The following RNF216 variants were observed in gnomAD, a reference collection of about 807,000 sequenced individuals.
The protein encoded by RNF216 is E3 ubiquitin-protein ligase RNF216.
RNF216 carries 72 observed loss-of-function variants against 110.8 expected under a neutral mutation model. That is an observed-to-expected ratio of 0.65 (90% CI 0.54 to 0.79). The LOEUF (loss-of-function observed/expected upper bound fraction) is 0.79, where lower values mean the gene tolerates loss of function less well. Ranked by LOEUF, RNF216 falls within the 30% of genes least tolerant of loss-of-function variation. RNF216 has a pLI of 0.00. For missense variants in RNF216, 1,342 were observed against 1,141.2 expected (o/e 1.18, Z -2.54); for synonymous variants, 495 against 407.5 (o/e 1.21, Z -2.59).
Position 5,729,544 on chromosome 7 carries a change from C to A in RNF216, c.1277G>T (p.Arg426Leu). 1 of 1,613,980 alleles carries A rather than the reference C, an allele frequency of 6.2e-7. No homozygotes were observed. The highest frequency in any genetic ancestry group is 8.5e-7 in the Non-Finnish European group (1 of 1,179,944). The change falls in exon 7 of 17, where the codon CGC (arginine) becomes CTC (leucine). Residue 426 changes from arginine (R) to leucine (L), a missense_variant. Physicochemically the swap from Arg to Leu is moderately radical, Grantham distance 102. Coordinates refer to ENST00000389902, the MANE Select transcript of RNF216 (RefSeq NM_207111.4). ...GAGGTCAGCAGCTTGGATGAAGCAG[C>A]GCTGGTCAAGAGGGGTCAATTTAGA... ...DYSKLTPLDQ[R>L]CFIQAADLLM...
At chr7:5,649,594 T>A (rs1584376168) in intron 14 of RNF216, 1 of 152,080 alleles carries the variant, frequency 6.6e-6, no homozygotes, top group Non-Finnish European at 1.5e-5. Flanking sequence ...GAAAGGCAAG[T>A]TGAAGCCCGT....
chr7:5,658,382 C>T (rs763921283), intron 13 of RNF216, among the ~76,000 whole-genome samples: 2 of 152,120 alleles, frequency 1.3e-5, no homozygotes, highest in Non-Finnish European at 2.9e-5. Context: ...TTGGGCCGGG[C>T]ACAGTGGCTC....
rs372434713 is a variant in RNF216 at position 5,630,278 on chromosome 7, G to A, written c.2383-6153C>T. 1.1e-4 allele frequency among the ~76,000 whole-genome samples: 17 copies of A among 152,220 alleles called. 1 individual carries two copies. In the South Asian group the frequency reaches 1.7e-3, roughly 15 times the overall value. On this transcript the variant is annotated intron_variant, in intron 15 of 16. Transcript: ENST00000389902. Reference sequence around the variant, plus strand: ...GTCACGGGAAGAACTACAACTCTGGGGCTCCAGACCTGGCTTGAGTGCATA... The same window carrying A: ...GTCACGGGAAGAACTACAACTCTGGAGCTCCAGACCTGGCTTGAGTGCATA...
At chr7:5,691,843 A>ATGT in intron 13 of RNF216, among the ~76,000 whole-genome samples, 1 of 152,360 alleles carries the variant, frequency 6.6e-6, no homozygotes, top group Middle Eastern at 3.4e-3. Flanking sequence ...ACAGAAGGCA[A>ATGT]TGTCTGCTTG....
chr7:5,714,345 G>A (rs1249244485), intron 11 of RNF216, among the ~76,000 whole-genome samples: 1 of 152,064 alleles, frequency 6.6e-6, no homozygotes, highest in Non-Finnish European at 1.5e-5. Flanking sequence ...CACAACCTCT[G>A]CCTCCCAGAT....
rs549755263 is a variant in RNF216 at position 5,683,978 on chromosome 7, G to T, written c.2061+27783C>A. On this transcript the variant is annotated intron_variant, in intron 13 of 16. Transcript: ENST00000389902. Reference sequence around the variant, plus strand: ...ACTGCTAAGTTAAGGGCAAGATCCAGTAGGGGTCTTGTGGCGGGATGTGTG... The same window carrying T: ...ACTGCTAAGTTAAGGGCAAGATCCATTAGGGGTCTTGTGGCGGGATGTGTG... Among the ~76,000 whole-genome samples the T allele has an allele frequency of 5.8e-4, 89 of 152,144 alleles. 1 individual carries two copies. Among genetic ancestry groups the T allele is most frequent in the African/African-American group, 1.9e-3 (80 of 41,526 alleles).
At chr7:5,658,531 G>A (rs1446686431) in intron 13 of RNF216, among the ~76,000 whole-genome samples, 2 of 149,114 alleles carry the variant, frequency 1.3e-5, no homozygotes, top group African/African-American at 2.6e-5. Flanking sequence ...GGTGGTATGT[G>A]CCTGTAGTCT....
At chr7:5,776,847 GC>G (rs1212125963) in intron 1 of RNF216, among the ~76,000 whole-genome samples, 1 of 137,992 alleles carries the variant, frequency 7.2e-6, no homozygotes, top group Non-Finnish European at 1.5e-5. Context: ...GTTGCAGTGA[GC>G]TGATATTGTG....
intron 14 of RNF216, among the ~76,000 whole-genome samples, chr7:5,643,468 C>T (rs1002085976): frequency 5.3e-5 from 8 of 151,824 alleles, no homozygotes; most frequent in South Asian, 2.1e-4. Flanking sequence ...GCTGACCTTG[C>T]GCTCACACAG....
chr7:5,767,727 T>G lies in RNF216; in HGVS notation c.-69-6589A>C, dbSNP rs540427561. ...CATTTTCCTGCCTCAGCCTCCTGAG[T>G]AGTGGGGACTACAGGCACACGCCAC... is the stretch of plus-strand genomic sequence containing the variant. On this transcript the variant is annotated intron_variant, in intron 1 of 16. Transcript: ENST00000389902. 2.0e-5 allele frequency among the ~76,000 whole-genome samples: 3 copies of G among 152,010 alleles called. No individual in the cohort carries two copies. In the East Asian group the frequency reaches 5.8e-4, roughly 29 times the overall value.
chr7:5,634,118 T>C (rs1170418176), intron 15 of RNF216, among the ~76,000 whole-genome samples: 1 of 152,244 alleles, frequency 6.6e-6, no homozygotes, highest in Admixed American at 6.5e-5. Context: ...CCAAAGCCTT[T>C]ACGGTCCTTT....
chr7:5,624,781 G>C lies in RNF216; in HGVS notation c.2383-656C>G, dbSNP rs755975893. ...CCAAGCCTCAGACACGAACCGAAGA[G>C]GCACTGTGAGTGCAGGCAGATGTGG... is the stretch of plus-strand genomic sequence containing the variant. On this transcript the variant is annotated intron_variant, in intron 15 of 16. Transcript: ENST00000389902. This position sits in a 1 kb window ranked among gnomAD's most constrained non-coding sequence, Gnocchi z 4.4. 4.6e-5 allele frequency among the ~76,000 whole-genome samples: 7 copies of C among 152,186 alleles called. No homozygotes were observed. Among genetic ancestry groups the C allele is most frequent in the Non-Finnish European group, 8.8e-5 (6 of 68,038 alleles).
At chr7:5,642,649 T>C (rs953041100) in intron 14 of RNF216, among the ~76,000 whole-genome samples, 1 of 151,560 alleles carries the variant, frequency 6.6e-6, no homozygotes, top group Non-Finnish European at 1.5e-5. Context: ...CGGCCATTTT[T>C]TGTATTTTTA....
chr7:5,628,554 G>C (rs1786859338), intron 15 of RNF216, among the ~76,000 whole-genome samples: 1 of 151,988 alleles, frequency 6.6e-6, no homozygotes, highest in Non-Finnish European at 1.5e-5. Flanking sequence ...ACAGTGTCTT[G>C]CTCTGCTGTC....
At chr7:5,708,194 AGG>A (rs1217576143) in intron 13 of RNF216, among the ~76,000 whole-genome samples, 1 of 152,216 alleles carries the variant, frequency 6.6e-6, no homozygotes, top group African/African-American at 2.4e-5. Flanking sequence ...TGCGCAACAG[AGG>A]AGAAAAAGTG....
chr7:5,760,859 T>G (rs749743097), intron 2 of RNF216, 144 bp downstream of exon 2: 41 of 663,642 alleles, frequency 6.2e-5, no homozygotes, highest in Non-Finnish European at 8.8e-5. Flanking sequence ...TCTGATATAA[T>G]TCTAGTCTAA....
At chr7:5,701,099 A>G (rs1197390857) in intron 13 of RNF216, among the ~76,000 whole-genome samples, 1 of 152,150 alleles carries the variant, frequency 6.6e-6, no homozygotes, top group Admixed American at 6.5e-5. Context: ...TGAGAGTGGG[A>G]GCACACACAC....
chr7:5,689,519 A>G (rs1791197197), intron 13 of RNF216, among the ~76,000 whole-genome samples: 1 of 152,150 alleles, frequency 6.6e-6, no homozygotes. Context: ...ACAAAAAACA[A>G]AAAACCCTAG....
chr7:5,771,715 T>C (rs778754361), intron 1 of RNF216, among the ~76,000 whole-genome samples: 4 of 152,090 alleles, frequency 2.6e-5, no homozygotes, highest in Non-Finnish European at 4.4e-5. Flanking sequence ...GAAGATCTCT[T>C]GAGCTCGAGA....
Sources: allele counts gnomAD v4.1 joint callset (sites outside exome capture counted in the v4.1 genomes callset), GRCh38; gene constraint gnomAD v4.1.1; non-coding constraint Gnocchi (gnomAD v3.1); transcripts MANE v1.5; gene names NCBI Gene and HGNC (gene_info 2026-07-23, HGNC 2026-07-21).